MKNK1: variants seen among roughly 807,000 people sequenced by gnomAD.
MKNK1 encodes the protein MAP kinase-interacting serine/threonine-protein kinase 1.
Under a neutral mutation model 49.3 loss-of-function variants are expected in MKNK1, and 30 were observed. The observed-to-expected ratio is 0.61, with a 90% CI of 0.46 to 0.83. MKNK1 has a LOEUF of 0.83. Among genes scored for constraint, MKNK1 ranks in the 40% least tolerant of loss-of-function variants. MKNK1 has a pLI of 0.00. For missense variants in MKNK1, 423 were observed against 524.7 expected (o/e 0.81, Z 1.89); for synonymous variants, 176 against 201.7 (o/e 0.87, Z 1.08).
At chr1:46,574,888 G>A (rs1670723793) in intron 6 of MKNK1, 59 bp downstream of exon 6, 1 of 1,171,358 alleles carries the variant, frequency 8.5e-7, no homozygotes, top group Non-Finnish European at 1.2e-6. Flanking sequence ...GATTCATGAT[G>A]GATGATCACC....
chr1:46,584,417 G>A (rs1178542391), intron 2 of MKNK1: 1 of 151,774 alleles, frequency 6.6e-6, no homozygotes, highest in Non-Finnish European at 1.5e-5. Flanking sequence ...AGGCACTCGA[G>A]TGCTGATGGG....
Position 46,602,030 on chromosome 1 carries a change from A to G in MKNK1, c.-171+2155T>C, listed in dbSNP as rs1302520777. 1.3e-5 allele frequency among the ~76,000 whole-genome samples: 2 copies of G among 152,222 alleles called. 1 individual carries two copies. On this transcript the variant is annotated intron_variant, in intron 1 of 12. Transcript: ENST00000371945. ...GGCCACATGAGATGTAAGAGATGTA[A>G]GCCTTGAAAGATGAGGAGGAGGAGG...
intron 2 of MKNK1, among the ~76,000 whole-genome samples, chr1:46,590,213 G>C (rs1359797830): frequency 1.3e-5 from 2 of 152,194 alleles, no homozygotes; most frequent in East Asian, 3.9e-4. Context: ...CTGAAAGGAA[G>C]TGTCATGGGC....
At chr1:46,597,059 A>T (rs1674162208) in intron 1 of MKNK1, among the ~76,000 whole-genome samples, 1 of 152,070 alleles carries the variant, frequency 6.6e-6, no homozygotes, top group Non-Finnish European at 1.5e-5. Flanking sequence ...CCAACTACCC[A>T]GATGGACCCT....
rs369251735 is a variant in MKNK1, at chr1:46,585,490, G to T, written c.-2-2161C>A. ...AGGAACCATTGTCTCTCTCTCTTGCGCTGACCTTGAATGCAGTCCAGTGGC... is the reference window on the plus strand; with the variant it reads ...AGGAACCATTGTCTCTCTCTCTTGCTCTGACCTTGAATGCAGTCCAGTGGC... On this transcript the variant is annotated intron_variant, in intron 2 of 12. Transcript: ENST00000371945. 58 of 219,410 alleles carry T rather than the reference G, an allele frequency of 2.6e-4. No individual in the cohort carries two copies. In the South Asian group the frequency reaches 3.9e-3, roughly 15 times the overall value. The allele number at this position is 219,410 out of a possible 1,614,324, so 13.6% of individuals were successfully genotyped here. A position where few individuals can be genotyped will look rare whatever the true frequency, so the allele number is the denominator to read the frequency against.
At chr1:46,560,108 G>T in intron 12 of MKNK1, 126 bp downstream of exon 12, 1 of 1,021,238 alleles carries the variant, frequency 9.8e-7, no homozygotes. Context: ...GTGAGGAGGG[G>T]AAATGGGCAG....
intron 4 of MKNK1, among the ~76,000 whole-genome samples, chr1:46,577,890 G>A (rs995017299): frequency 1.3e-5 from 2 of 152,230 alleles, no homozygotes; most frequent in Non-Finnish European, 2.9e-5. Flanking sequence ...CAGCTCCAAC[G>A]TGCACAGTGG....
intron 1 of MKNK1, 22 bp from the exon 2 acceptor site, chr1:46,594,302 A>G: frequency 1.4e-6 from 1 of 695,032 alleles, no homozygotes; most frequent in Non-Finnish European, 2.6e-6. Context: ...AGAAATAGAA[A>G]GGAAATCAAA....
intron 8 of MKNK1, 182 bp downstream of exon 8, chr1:46,568,261 G>A (rs1235935596): frequency 1.6e-6 from 1 of 609,418 alleles, no homozygotes; most frequent in Non-Finnish European, 3.0e-6. Context: ...ATGATCAAGA[G>A]CGAAGAAAGG....
chr1:46,575,706 CA>C (rs1278500383), intron 5 of MKNK1: 1 of 151,942 alleles, frequency 6.6e-6, no homozygotes, highest in Non-Finnish European at 1.5e-5. Context: ...TTTTCTTTTA[CA>C]AAATAAAATA....
intron 2 of MKNK1, among the ~76,000 whole-genome samples, chr1:46,588,477 A>G (rs1381164398): frequency 6.6e-6 from 1 of 152,262 alleles, no homozygotes; most frequent in Non-Finnish European, 1.5e-5. Flanking sequence ...TTTCGCAATC[A>G]TTCAAAACAA....
chr1:46,602,595 A>G (rs1057157108), intron 1 of MKNK1, among the ~76,000 whole-genome samples: 5 of 152,332 alleles, frequency 3.3e-5, no homozygotes, highest in African/African-American at 1.2e-4. Context: ...ATGGCTCTGA[A>G]TGTGGTCCAA....
Position 46,575,030 on chromosome 1 carries a change from G to A in MKNK1, c.279-10C>T. ...CAGCTCCAAAATGTTCCTTAAATAG[G>A]GAAAATAGGAGGAGAGGGAAAAGGG... On this transcript the variant is annotated splice_polypyrimidine_tract_variant and intron_variant, in intron 5 of 12. Transcript: ENST00000371945. 6.3e-7 allele frequency: 1 copy of A among 1,578,806 alleles called. No homozygotes were observed. Among genetic ancestry groups the A allele is most frequent in the South Asian group, 1.1e-5 (1 of 89,444 alleles).
At chr1:46,578,580 A>G (rs1049976489) in intron 4 of MKNK1, among the ~76,000 whole-genome samples, 1 of 148,278 alleles carries the variant, frequency 6.7e-6, no homozygotes, top group Non-Finnish European at 1.5e-5. Flanking sequence ...TTAGACAGAT[A>G]TATCAATTTT....
At chr1:46,583,725 C>A (rs757723676) in intron 2 of MKNK1, among the ~76,000 whole-genome samples, 6 of 152,058 alleles carry the variant, frequency 3.9e-5, no homozygotes, top group Non-Finnish European at 7.4e-5. Context: ...ACCGAGAGAG[C>A]TAGGCAAGAA....
intron 4 of MKNK1, 32 bp from the exon 5 acceptor site, chr1:46,576,686 C>T (rs781260438): frequency 6.9e-6 from 11 of 1,583,098 alleles, no homozygotes; most frequent in Non-Finnish European, 9.6e-6. Flanking sequence ...TCATGTACAC[C>T]CACCTGACTT....
chr1:46,586,713 C>T (rs1396093477), intron 2 of MKNK1, among the ~76,000 whole-genome samples: 3 of 152,166 alleles, frequency 2.0e-5, no homozygotes, highest in African/African-American at 7.2e-5. Context: ...CAGAGTAAGG[C>T]TACTTAGTTT....
chr1:46,593,957 G>A (rs560768561), intron 2 of MKNK1, 156 bp downstream of exon 2: 15 of 594,080 alleles, frequency 2.5e-5, no homozygotes, highest in African/African-American at 5.5e-5. Context: ...CCTACTAAGC[G>A]TTATCTGAGT....
chr1:46,558,068 G>A lies in MKNK1; in HGVS notation c.*507C>T. 1 of 154,580 alleles carries A rather than the reference G, an allele frequency of 6.5e-6. No individual in the cohort carries two copies. The highest frequency in any genetic ancestry group is 1.4e-5 in the Non-Finnish European group (1 of 69,312). 9.6% of individuals were successfully genotyped at this position (154,580 alleles called of 1,614,324 possible). A position where few individuals can be genotyped will look rare whatever the true frequency, so the allele number is the denominator to read the frequency against. ...CTCCTTGCCCTTCCCTGAATTGAGG[G>A]GATGGCTTTGCTCAGCCAAGGGAGA... On this transcript the variant is annotated 3_prime_UTR_variant, in exon 13 of 13. Coordinates refer to ENST00000371945, the MANE Select transcript of MKNK1 (RefSeq NM_001135553.4).
Sources: allele counts gnomAD v4.1 joint callset (sites outside exome capture counted in the v4.1 genomes callset), GRCh38; gene constraint gnomAD v4.1.1; transcripts MANE v1.5; gene names NCBI Gene and HGNC (gene_info 2026-07-23, HGNC 2026-07-21).